Variants in STXBP6 observed in about 807,000 individuals in gnomAD.
STXBP6 encodes the protein syntaxin-binding protein 6.
In STXBP6, 21 loss-of-function variants were observed where a neutral mutation model predicts 26.9. That is an observed-to-expected ratio of 0.78 (90% confidence interval 0.55 to 1.12). The LOEUF (loss-of-function observed/expected upper bound fraction) is 1.12. Ranked by LOEUF, STXBP6 falls within the 50% of genes most tolerant of loss-of-function variation. The pLI, the probability that STXBP6 is intolerant of heterozygous loss-of-function variation, is 0.00. For missense variants in STXBP6, 232 were observed against 257.9 expected (o/e 0.90, Z 0.69); for synonymous variants, 97 against 92.6 (o/e 1.05, Z -0.27).
chr14:24,884,356 TCCTAATGGAAA>T (rs2070489848), intron 2 of STXBP6, among the ~76,000 whole-genome samples: 1 of 152,210 alleles, frequency 6.6e-6, no homozygotes, highest in South Asian at 2.1e-4. Flanking sequence ...CATCTTCCAT[TCCTAATGGAAA>T]TTCAGAAACA....
chr14:25,023,450 A>G (rs1287653843), intron 1 of STXBP6, among the ~76,000 whole-genome samples: 1 of 152,190 alleles, frequency 6.6e-6, no homozygotes, highest in Non-Finnish European at 1.5e-5. Flanking sequence ...TATTTTTAAG[A>G]CACATATAAA....
At chr14:24,859,481 C>G (rs1333661692) in intron 2 of STXBP6, among the ~76,000 whole-genome samples, 1 of 152,134 alleles carries the variant, frequency 6.6e-6, no homozygotes, top group Non-Finnish European at 1.5e-5. Flanking sequence ...CACACACACA[C>G]ACCATTGCCA....
At chr14:24,940,797 C>T (rs1034178114) in intron 2 of STXBP6, among the ~76,000 whole-genome samples, 3 of 152,102 alleles carry the variant, frequency 2.0e-5, no homozygotes, top group Non-Finnish European at 4.4e-5. Context: ...AGGTGGATCA[C>T]AAGGTCAGGA....
chr14:24,839,471 A>T (rs1474326318), intron 4 of STXBP6, among the ~76,000 whole-genome samples: 1 of 152,140 alleles, frequency 6.6e-6, no homozygotes, highest in Non-Finnish European at 1.5e-5. Context: ...CAAAATTTAG[A>T]ATATACAATT....
intron 4 of STXBP6, among the ~76,000 whole-genome samples, chr14:24,848,504 G>T (rs1465448984): frequency 6.6e-6 from 1 of 152,034 alleles, no homozygotes; most frequent in Non-Finnish European, 1.5e-5. Context: ...TCCTTGTCCA[G>T]ACAAAAATGG....
intron 2 of STXBP6, among the ~76,000 whole-genome samples, chr14:24,887,227 T>C (rs1005143320): frequency 7.9e-5 from 12 of 152,196 alleles, no homozygotes; most frequent in Non-Finnish European, 1.2e-4. Context: ...GCGGTAAAGG[T>C]AAATCATGTA....
At chr14:24,932,299 T>C (rs2072444064) in intron 2 of STXBP6, among the ~76,000 whole-genome samples, 3 of 152,096 alleles carry the variant, frequency 2.0e-5, no homozygotes, top group African/African-American at 7.2e-5. Flanking sequence ...CCCAGCTACT[T>C]AGGAGGCTGA....
At chr14:25,030,035 A>G (rs1376912992) in intron 1 of STXBP6, among the ~76,000 whole-genome samples, 1 of 152,244 alleles carries the variant, frequency 6.6e-6, no homozygotes, top group East Asian at 1.9e-4. Context: ...AATAGAACAT[A>G]TCTCATAAGG....
At chr14:24,874,665 C>T (rs2070068767) in intron 2 of STXBP6, among the ~76,000 whole-genome samples, 1 of 152,132 alleles carries the variant, frequency 6.6e-6, no homozygotes, top group Non-Finnish European at 1.5e-5. Flanking sequence ...AATTAAGTGA[C>T]TATTTTTCAG....
intron 1 of STXBP6, among the ~76,000 whole-genome samples, chr14:24,983,595 AGAG>A (rs1208531945): frequency 1.3e-5 from 2 of 152,214 alleles, no homozygotes; most frequent in African/African-American, 4.8e-5. Context: ...TTTTCCCCTT[AGAG>A]GAGGGTATGA....
chr14:25,035,441 T>C (rs2075533736), intron 1 of STXBP6, among the ~76,000 whole-genome samples: 1 of 152,230 alleles, frequency 6.6e-6, no homozygotes. Flanking sequence ...TTCTTTCTTT[T>C]GGCAGGAAGT....
At chr14:24,857,898 A>G (rs1254438188) in intron 2 of STXBP6, among the ~76,000 whole-genome samples, 2 of 152,014 alleles carry the variant, frequency 1.3e-5, no homozygotes, top group African/African-American at 4.8e-5. Flanking sequence ...GGCACTCTGA[A>G]TATTTCTACA....
chr14:25,017,416 T>C (rs1021189049), intron 1 of STXBP6, among the ~76,000 whole-genome samples: 4 of 152,162 alleles, frequency 2.6e-5, no homozygotes, highest in African/African-American at 7.2e-5. Context: ...AGAATCTCCA[T>C]GAGAGATGCA....
intron 1 of STXBP6, among the ~76,000 whole-genome samples, chr14:24,978,511 G>A (rs572293541): frequency 5.3e-5 from 8 of 152,270 alleles, no homozygotes; most frequent in Non-Finnish European, 1.0e-4. Flanking sequence ...AGAACCCACT[G>A]TAAGAAATTA....
chr14:24,852,573 G>T (rs1188419497), intron 4 of STXBP6, among the ~76,000 whole-genome samples: 1 of 152,020 alleles, frequency 6.6e-6, no homozygotes, highest in African/African-American at 2.4e-5. Context: ...CTCTATTGAA[G>T]TTCTGGTGGA....
chr14:24,827,965 A>G (rs1436239648), intron 4 of STXBP6, among the ~76,000 whole-genome samples: 1 of 152,202 alleles, frequency 6.6e-6, no homozygotes, highest in Admixed American at 6.5e-5. Context: ...CATGTGAATA[A>G]AAAGCTTAAC....
chr14:25,040,667 AG>A (rs2075628210), intron 1 of STXBP6, among the ~76,000 whole-genome samples: 2 of 152,236 alleles, frequency 1.3e-5, no homozygotes, highest in African/African-American at 4.8e-5. Flanking sequence ...TAGATAGTGA[AG>A]GGGAATCACA....
chr14:24,904,628 T>A (rs79762143), intron 2 of STXBP6, among the ~76,000 whole-genome samples: 2,854 of 152,210 alleles, frequency 0.019, 92 homozygotes, highest in African/African-American at 0.064. Flanking sequence ...CCAATAGGAA[T>A]GATATCCTTG....
intron 2 of STXBP6, among the ~76,000 whole-genome samples, chr14:24,965,162 C>T (rs2073693101): frequency 6.6e-6 from 1 of 151,134 alleles, no homozygotes; most frequent in Non-Finnish European, 1.5e-5. Context: ...CTTGAGATTC[C>T]TGTCAGGAGT....
Sources: allele counts gnomAD v4.1 joint callset (sites outside exome capture counted in the v4.1 genomes callset), GRCh38; gene constraint gnomAD v4.1.1; transcripts MANE v1.5; gene names NCBI Gene and HGNC (gene_info 2026-07-23, HGNC 2026-07-21).